TCEAL1: variants seen among roughly 807,000 people sequenced by gnomAD.
The protein encoded by TCEAL1 is transcription elongation factor A like 1.
For missense variants in TCEAL1, 82 were observed against 125.9 expected (o/e 0.65, Z 1.67); for synonymous variants, 48 against 46.0 (o/e 1.04, Z -0.17).
rs1375017890 is a variant in TCEAL1 at position 103,630,643 on chromosome X, C to A, written c.*247C>A. 7.1e-6 allele frequency: 2 copies of A among 281,835 alleles called. No homozygotes were observed. Among genetic ancestry groups the A allele is most frequent in the Admixed American group, 1.2e-4 (2 of 16,650 alleles). 23.2% of individuals were successfully genotyped at this position (281,835 alleles called of 1,213,427 possible). A position where few individuals can be genotyped will look rare whatever the true frequency, so the allele number is the denominator to read the frequency against. On this transcript the variant is annotated 3_prime_UTR_variant, in exon 3 of 3. Transcript: ENST00000372625. ...AAGATGTACATTATATATTGTGAAA[C>A]GAAAAAAGCAATTTTCAAATGGTAT...
At position 103,630,729 on chromosome X, in the gene TCEAL1, G is replaced by A; in HGVS notation, c.*333G>A. 1 of 141,738 alleles carries A rather than the reference G, an allele frequency of 7.1e-6. No homozygotes were observed. 11.7% of individuals were successfully genotyped at this position (141,738 alleles called of 1,213,427 possible). A position where few individuals can be genotyped will look rare whatever the true frequency, so the allele number is the denominator to read the frequency against. On this transcript the variant is annotated 3_prime_UTR_variant, in exon 3 of 3. Transcript: ENST00000372625. Reference sequence around the variant, plus strand: ...TTATATATTAATATGCAAAGAAAAAGCTAAAAGTATAGACTTCAAAGGCAT... The same window carrying A: ...TTATATATTAATATGCAAAGAAAAAACTAAAAGTATAGACTTCAAAGGCAT...
chrX:103,629,843 G>T lies in TCEAL1; in HGVS notation c.-32-42G>T, dbSNP rs747562930. 146 of 1,078,237 alleles carry T rather than the reference G, an allele frequency of 1.4e-4. No individual in the cohort carries two copies. In the East Asian group the frequency reaches 4.2e-3, roughly 31 times the overall value. The allele number at this position is 1,078,237 out of a possible 1,213,427, so 88.9% of individuals were successfully genotyped here. A position where few individuals can be genotyped will look rare whatever the true frequency, so the allele number is the denominator to read the frequency against. ...CCACGGCCTGGGTGTTAGTCCAGCCGCTTAGTATTCTGACTCTATTCTGCC... is the reference window on the plus strand; with the variant it reads ...CCACGGCCTGGGTGTTAGTCCAGCCTCTTAGTATTCTGACTCTATTCTGCC... On this transcript the variant is annotated intron_variant, in intron 2 of 2. Coordinates refer to ENST00000372625, the MANE Select transcript of TCEAL1 (RefSeq NM_004780.3).
chrX:103,629,768 G>A, intron 2 of TCEAL1, 117 bp from the exon 3 acceptor site: 1 of 675,629 alleles, frequency 1.5e-6, no homozygotes, highest in Non-Finnish European at 2.1e-6. Context: ...CTGGGAAAGC[G>A]CAAGGTTGAG....
Position 103,629,023 on chromosome X carries a change from G to A in TCEAL1, c.-115G>A, listed in dbSNP as rs1244552015. On this transcript the variant is annotated splice_region_variant and 5_prime_UTR_variant, in exon 1 of 3. Transcript: ENST00000372625. ...CCTTTGGTCGAGAGGGAAAGCAGAA[G>A]AAGTAAGTTCCCTCTACCCTCTTAA... 1 of 112,001 alleles carries A rather than the reference G, an allele frequency of 8.9e-6. No individual in the cohort carries two copies. Among genetic ancestry groups the A allele is most frequent in the Non-Finnish European group, 1.9e-5 (1 of 53,127 alleles). 9.2% of individuals were successfully genotyped at this position (112,001 alleles called of 1,213,427 possible). A position where few individuals can be genotyped will look rare whatever the true frequency, so the allele number is the denominator to read the frequency against.
At position 103,629,230 on chromosome X, in the gene TCEAL1, G is replaced by T. The variant is rs2273119; in HGVS notation, c.-113+205G>T. On this transcript the variant is annotated intron_variant, in intron 1 of 2. Coordinates refer to ENST00000372625, the MANE Select transcript of TCEAL1 (RefSeq NM_004780.3). ...AGTACCTCCCCCGTCCCCCGGGAGG[G>T]GGGTACAGACATTTGGAAATAGTTT... 1.5e-3 allele frequency among the ~76,000 whole-genome samples: 163 copies of T among 111,650 alleles called. 1 individual carries two copies. The highest frequency in any genetic ancestry group is 4.6e-3 in the Middle Eastern group (1 of 216).
chrX:103,629,713 AG>A, intron 2 of TCEAL1, 140 bp downstream of exon 2: 1 of 413,868 alleles, frequency 2.4e-6, no homozygotes, highest in East Asian at 4.1e-5. Flanking sequence ...TTCGGGAAGG[AG>A]GGGGCGACCG....
intron 2 of TCEAL1, 30 bp from the exon 3 acceptor site, chrX:103,629,855 G>A (rs1159970891): frequency 3.7e-6 from 4 of 1,093,744 alleles, no homozygotes; most frequent in Middle Eastern, 3.6e-4. Flanking sequence ...TTAGTATTCT[G>A]ACTCTATTCT....
rs750079859 is a variant in TCEAL1, at chrX:103,630,688, TA to T, written c.*300del. Reference sequence around the variant, plus strand: ...TGGTATATATTGTATCCCATTTTTGTAAAAAAAATGTATATTTATATATTAA... The same window carrying T: ...TGGTATATATTGTATCCCATTTTTGTAAAAAAATGTATATTTATATATTAA... On this transcript the variant is annotated 3_prime_UTR_variant, in exon 3 of 3. Transcript: ENST00000372625. The T allele has an allele frequency of 4.0e-4, 70 of 176,650 alleles. No homozygotes were observed. The highest frequency in any genetic ancestry group is 4.4e-3 in the Middle Eastern group (2 of 454). 14.6% of individuals were successfully genotyped at this position (176,650 alleles called of 1,213,427 possible).
At position 103,630,605 on chromosome X, in the gene TCEAL1, C is replaced by G; in HGVS notation, c.*209C>G. ...TTCCCTCTTTCAGTCATGAGCCCTACACATTTGCATGAAAGATGTACATTA... is the reference window on the plus strand; with the variant it reads ...TTCCCTCTTTCAGTCATGAGCCCTAGACATTTGCATGAAAGATGTACATTA... On this transcript the variant is annotated 3_prime_UTR_variant, in exon 3 of 3. Coordinates refer to ENST00000372625, the MANE Select transcript of TCEAL1 (RefSeq NM_004780.3). 2.5e-6 allele frequency: 1 copy of G among 405,744 alleles called. No individual in the cohort carries two copies. Among genetic ancestry groups the G allele is most frequent in the Non-Finnish European group, 4.2e-6 (1 of 239,835 alleles). The allele number at this position is 405,744 out of a possible 1,213,427, so 33.4% of individuals were successfully genotyped here. A position where few individuals can be genotyped will look rare whatever the true frequency, so the allele number is the denominator to read the frequency against.
chrX:103,628,968 T>A (rs766959871), upstream of TCEAL1: 1 of 112,043 alleles, frequency 8.9e-6, no homozygotes, highest in Admixed American at 9.3e-5. Flanking sequence ...TCCCGGTCTT[T>A]TTTTTGCCTG....
At chrX:103,629,319 G>C (rs2073708212) in intron 1 of TCEAL1, among the ~76,000 whole-genome samples, 175 bp from the exon 2 acceptor site, 1 of 111,828 alleles carries the variant, frequency 8.9e-6, no homozygotes, top group South Asian at 3.7e-4. Context: ...GGGTGGGGAG[G>C]TGGGAGCACG....
chrX:103,629,335 C>A (rs1291922650), intron 1 of TCEAL1, among the ~76,000 whole-genome samples, 159 bp from the exon 2 acceptor site: 2 of 110,918 alleles, frequency 1.8e-5, no homozygotes, highest in African/African-American at 6.6e-5. Context: ...GCACGGAGGA[C>A]GAAGCTTGAC....
intron 2 of TCEAL1, 124 bp from the exon 3 acceptor site, chrX:103,629,761 G>A: frequency 3.2e-6 from 2 of 633,093 alleles, no homozygotes; most frequent in Non-Finnish European, 4.4e-6. Flanking sequence ...AGAGCCTCTG[G>A]GAAAGCGCAA....
At chrX:103,629,229 G>C (rs368687666) in intron 1 of TCEAL1, among the ~76,000 whole-genome samples, 32 of 111,829 alleles carry the variant, frequency 2.9e-4, no homozygotes, top group South Asian at 1.1e-3. Context: ...CCCCCGGGAG[G>C]GGGGTACAGA....
chrX:103,628,908 C>T (rs899104852), upstream of TCEAL1: 2 of 112,319 alleles, frequency 1.8e-5, no homozygotes, highest in Non-Finnish European at 3.8e-5. Flanking sequence ...TCGGCAGTGA[C>T]GCGCGTCCCT....
At chrX:103,629,180 G>A (rs1230087925) in intron 1 of TCEAL1, among the ~76,000 whole-genome samples, 155 bp downstream of exon 1, 1 of 111,892 alleles carries the variant, frequency 8.9e-6, no homozygotes, top group Non-Finnish European at 1.9e-5. Flanking sequence ...AAATATGGTG[G>A]TCTTTGGGGC....
At chrX:103,629,748 C>G (rs924481979) in intron 2 of TCEAL1, 137 bp from the exon 3 acceptor site, 10 of 524,631 alleles carry the variant, frequency 1.9e-5, no homozygotes, top group Admixed American at 5.0e-5. Context: ...TCGGGAGAGC[C>G]GGAGAGCCTC....
Position 103,629,502 on chromosome X carries a change from G to A in TCEAL1, c.-104G>A, listed in dbSNP as rs2073711268. The A allele has an allele frequency of 7.9e-6, 1 of 126,877 alleles. No homozygotes were observed. Among genetic ancestry groups the A allele is most frequent in the Non-Finnish European group, 1.6e-5 (1 of 62,095 alleles). 10.5% of individuals were successfully genotyped at this position (126,877 alleles called of 1,213,427 possible). On this transcript the variant is annotated 5_prime_UTR_variant, in exon 2 of 3. Coordinates refer to ENST00000372625, the MANE Select transcript of TCEAL1 (RefSeq NM_004780.3). ...CTTGCGTCTGTGTGCAGGTCTGCTG[G>A]TCACAGCGGGGCACCTCGAGGAGAG...
At chrX:103,629,764 A>C (rs2073713356) in intron 2 of TCEAL1, 121 bp from the exon 3 acceptor site, 1 of 640,537 alleles carries the variant, frequency 1.6e-6, no homozygotes, top group Non-Finnish European at 2.2e-6. Context: ...GCCTCTGGGA[A>C]AGCGCAAGGT....
Sources: allele counts gnomAD v4.1 joint callset (sites outside exome capture counted in the v4.1 genomes callset), GRCh38; gene constraint gnomAD v4.1.1; transcripts MANE v1.5; gene names NCBI Gene and HGNC (gene_info 2026-07-23, HGNC 2026-07-21).